The following VAV3 variants were observed in gnomAD, a reference collection of about 807,000 sequenced individuals.
VAV3 encodes vav guanine nucleotide exchange factor 3, also known as guanine nucleotide exchange factor VAV3.
Under a neutral mutation model 131.2 loss-of-function variants are expected in VAV3, and 94 were observed. The observed-to-expected ratio is 0.72, with a 90% CI of 0.61 to 0.85. VAV3 has a LOEUF of 0.85. Among genes scored for constraint, VAV3 ranks in the 40% least tolerant of loss-of-function variants. The pLI is 0.00. For synonymous variants in VAV3, 349 were observed against 342.0 expected (o/e 1.02, Z -0.22); for missense variants, 939 against 1,002.7 (o/e 0.94, Z 0.86).
chr1:107,738,868 A>G (rs1342908434), intron 15 of VAV3, among the ~76,000 whole-genome samples: 1 of 152,162 alleles, frequency 6.6e-6, no homozygotes, highest in Non-Finnish European at 1.5e-5. Context: ...TCTTTGAGCA[A>G]ATCTCTACAC....
In VAV3 at chr1:107,572,720, T is replaced by G. The variant is rs1344018968; in HGVS notation, c.*611A>C. The stretch of plus-strand genomic sequence containing the variant: ...TTAAAACCCTTCAGGGATAGCTCAC[T>G]TATGATGCAAACCTGAGCACTGGCC... On this transcript the variant is annotated 3_prime_UTR_variant, in exon 27 of 27. Transcript: ENST00000370056. 1 of 152,674 alleles carries G rather than the reference T, an allele frequency of 6.5e-6. No homozygotes were observed. Among genetic ancestry groups the G allele is most frequent in the Non-Finnish European group, 1.5e-5 (1 of 68,058 alleles). 9.5% of individuals were successfully genotyped at this position (152,674 alleles called of 1,614,324 possible).
intron 2 of VAV3, among the ~76,000 whole-genome samples, chr1:107,824,786 G>A: frequency 6.6e-6 from 1 of 151,862 alleles, no homozygotes; most frequent in Non-Finnish European, 1.5e-5. Flanking sequence ...TAACTAAGTG[G>A]TTAGTCACAA....
rs188904695 is a variant in VAV3 at position 107,862,790 on chromosome 1, T to C, written c.321+12111A>G. ...GAATACGTGCATTAGTGAGCATATA[T>C]GTGCCATAGCCTTGGAAATACAGAC... On this transcript the variant is annotated intron_variant, in intron 2 of 26. Transcript: ENST00000370056. 116 of 144,958 alleles carry C rather than the reference T, an allele frequency of 8.0e-4. 1 individual carries two copies. The highest frequency in any genetic ancestry group is 2.7e-3 in the African/African-American group (112 of 41,116). The allele number at this position is 144,958 out of a possible 1,614,324, so 9.0% of individuals were successfully genotyped here. A position where few individuals can be genotyped will look rare whatever the true frequency, so the allele number is the denominator to read the frequency against.
chr1:107,747,665 C>G (rs892123575), intron 15 of VAV3, among the ~76,000 whole-genome samples: 1 of 152,062 alleles, frequency 6.6e-6, no homozygotes, highest in Non-Finnish European at 1.5e-5. Flanking sequence ...TACATATTAC[C>G]TAGAATTTGA....
chr1:107,838,751 T>C (rs925869946), intron 2 of VAV3, among the ~76,000 whole-genome samples: 6 of 152,154 alleles, frequency 3.9e-5, no homozygotes, highest in African/African-American at 4.8e-5. Flanking sequence ...CACCATGGGA[T>C]ACTGTGCAGC....
chr1:107,932,135 T>C (rs1276605195), intron 1 of VAV3, among the ~76,000 whole-genome samples: 1 of 152,238 alleles, frequency 6.6e-6, no homozygotes, highest in East Asian at 1.9e-4. Context: ...TTGGTTCATT[T>C]ACTTTATCTG....
chr1:107,676,793 T>C (rs1445793239), intron 19 of VAV3, among the ~76,000 whole-genome samples: 1 of 152,160 alleles, frequency 6.6e-6, no homozygotes, highest in Admixed American at 6.5e-5. Context: ...TCCTGTGTCC[T>C]TCAGTTTGCA....
At chr1:107,743,783 T>C (rs913129858) in intron 15 of VAV3, among the ~76,000 whole-genome samples, 1 of 152,248 alleles carries the variant, frequency 6.6e-6, no homozygotes, top group Non-Finnish European at 1.5e-5. Context: ...GTTTTTATCA[T>C]ATAAACTACA....
chr1:107,727,385 C>A (rs1459045206), intron 15 of VAV3, among the ~76,000 whole-genome samples: 1 of 152,194 alleles, frequency 6.6e-6, no homozygotes, highest in Non-Finnish European at 1.5e-5. Flanking sequence ...GCCTTCATTA[C>A]TTTTCATCAT....
chr1:107,757,048 A>T (rs1664139980), intron 11 of VAV3, among the ~76,000 whole-genome samples: 1 of 151,992 alleles, frequency 6.6e-6, no homozygotes. Context: ...AAAAAAAAAA[A>T]AATCCAGTTT....
chr1:107,771,640 A>G (rs1665054227), intron 5 of VAV3, among the ~76,000 whole-genome samples: 7 of 152,234 alleles, frequency 4.6e-5, no homozygotes, highest in Admixed American at 4.6e-4. Flanking sequence ...TTACAGTACC[A>G]ACCCCAAGGA....
intron 7 of VAV3, among the ~76,000 whole-genome samples, chr1:107,767,504 C>A (rs1359241215): frequency 6.6e-6 from 1 of 152,180 alleles, no homozygotes; most frequent in Non-Finnish European, 1.5e-5. Flanking sequence ...TAGTGCTAAA[C>A]CTTCAGCTGA....
At chr1:107,631,852 C>A (rs978845920) in intron 20 of VAV3, among the ~76,000 whole-genome samples, 5 of 151,912 alleles carry the variant, frequency 3.3e-5, no homozygotes, top group African/African-American at 9.7e-5. Context: ...GTATATCTGC[C>A]ACATTTTCTT....
chr1:107,964,890 G>C lies in VAV3; in HGVS notation c.-21C>G, dbSNP rs766282554. ...TCCATGCCCGACGGCTCCGGGACGC[G>C]GCTGGGCCGGGGCGGGCGGCAAGGA... On this transcript the variant is annotated 5_prime_UTR_variant, in exon 1 of 27. Transcript: ENST00000370056. The C allele has an allele frequency of 5.6e-6, 8 of 1,429,670 alleles. No homozygotes were observed. The East Asian group carries it at 2.2e-4, about 40-fold the overall frequency. 88.6% of individuals were successfully genotyped at this position (1,429,670 alleles called of 1,614,324 possible).
intron 2 of VAV3, among the ~76,000 whole-genome samples, chr1:107,834,113 T>TTTGCTTGTTTTCTCATTATGCAAC (rs1428701746): frequency 6.6e-6 from 1 of 152,214 alleles, no homozygotes; most frequent in Non-Finnish European, 1.5e-5. Flanking sequence ...TTGCTGTAAA[T>TTTGCTTGTTTTCTCATTATGCAAC]AATTCTTGTT....
At chr1:107,750,194 G>A (rs1452024898) in intron 13 of VAV3, among the ~76,000 whole-genome samples, 1 of 152,156 alleles carries the variant, frequency 6.6e-6, no homozygotes, top group African/African-American at 2.4e-5. Context: ...TCTAATTTTG[G>A]AAACTGTGCT....
Position 107,573,268 on chromosome 1 carries a change from T to G in VAV3, c.*63A>C. The G allele has an allele frequency of 6.3e-7, 1 of 1,581,302 alleles. No individual in the cohort carries two copies. The highest frequency in any genetic ancestry group is 1.4e-5 in the African/African-American group (1 of 73,718). Reference sequence around the variant, plus strand: ...ACACTTCAGTTAATTCACGATGCTGTGCAGGCTTCTATTTATCCCTTCTCT... The same window carrying G: ...ACACTTCAGTTAATTCACGATGCTGGGCAGGCTTCTATTTATCCCTTCTCT... On this transcript the variant is annotated 3_prime_UTR_variant, in exon 27 of 27. Transcript: ENST00000370056.
At chr1:107,745,484 T>C (rs1170008253) in intron 15 of VAV3, among the ~76,000 whole-genome samples, 5 of 152,162 alleles carry the variant, frequency 3.3e-5, no homozygotes, top group Non-Finnish European at 7.3e-5. Flanking sequence ...CAGGTTCTAA[T>C]GTGGTTCACT....
intron 4 of VAV3, among the ~76,000 whole-genome samples, chr1:107,776,949 C>G (rs1449554440): frequency 6.6e-6 from 1 of 152,236 alleles, no homozygotes; most frequent in Non-Finnish European, 1.5e-5. Flanking sequence ...AAATTGTTCC[C>G]TAACTCCAGT....
Sources: gnomAD v4.1 joint callset for allele counts (sites outside exome capture counted in the v4.1 genomes callset) on GRCh38, gnomAD v4.1.1 for gene constraint, MANE v1.5 for transcripts, NCBI Gene and HGNC (gene_info 2026-07-23, HGNC 2026-07-21) for gene names.